The following NOX5 variants were observed in gnomAD, a reference collection of about 807,000 sequenced individuals.
The protein encoded by NOX5 is NADPH oxidase, EF-hand calcium binding domain 5.
A neutral mutation model predicts 85.7 loss-of-function variants in NOX5; 76 were observed. That is an observed-to-expected ratio of 0.89 (90% CI 0.74 to 1.07). The LOEUF is 1.07. NOX5 is among the 50% of genes least tolerant of loss of function. The pLI is 0.00. For synonymous variants in NOX5, 405 were observed against 401.4 expected, an observed-to-expected ratio of 1.01 and a Z score of -0.11; for missense variants, 973 against 999.5, an observed-to-expected ratio of 0.97 and a Z score of 0.36.
At position 69,055,356 on chromosome 15, in the gene NOX5, G is replaced by A. The variant is rs1406600190; in HGVS notation, c.2022G>A (p.Met674Ile). Reference protein sequence around the residue: ...AQYGRFLELHMYMTSALGKND... With the variant: ...AQYGRFLELHIYMTSALGKND... ...CAGGCCGCTTCCTGGAGCTGCATAT[G>A]TACATGACATCTGCACTGGGCAAGA... The change falls in exon 15 of 16, where the codon ATG becomes ATA. Residue 674 changes from methionine to isoleucine, a missense_variant. By Grantham distance (10) the Met-to-Ile change is conservative. Transcript: ENST00000388866. 6.2e-7 allele frequency: 1 copy of A among 1,614,180 alleles called. No individual in the cohort carries two copies. The highest frequency in any genetic ancestry group is 8.5e-7 in the Non-Finnish European group (1 of 1,180,032).
intron 10 of NOX5, among the ~76,000 whole-genome samples, chr15:69,044,894 A>G (rs1165013415): frequency 2.6e-5 from 4 of 152,266 alleles, no homozygotes; most frequent in Admixed American, 6.5e-5. Flanking sequence ...CCAGTCCTGC[A>G]TCTCAGCACA....
At chr15:69,041,075 G>C (rs2050588706) in intron 9 of NOX5, among the ~76,000 whole-genome samples, 1 of 152,204 alleles carries the variant, frequency 6.6e-6, no homozygotes, top group South Asian at 2.1e-4. Context: ...TGAGCTGAGA[G>C]GGTTCATGTG....
Position 69,038,945 on chromosome 15 carries a change from A to G in NOX5, c.1460A>G (p.Tyr487Cys), listed in dbSNP as rs148791297. 1.3e-4 allele frequency: 204 copies of G among 1,614,068 alleles called. No homozygotes were observed. In the African/African-American group the frequency reaches 2.5e-3, roughly 20 times the overall value. ...CTGAACATCCCCACCATTGCTCGCT[A>G]TGAGTGGCACCCCTTCACCATCAGC... is the stretch of plus-strand genomic sequence containing the variant. Reference protein sequence around the residue: ...LYLNIPTIARYEWHPFTISSA... With the variant: ...LYLNIPTIARCEWHPFTISSA... The change falls in exon 9 of 16, where the codon TAT becomes TGT. Residue 487 changes from tyrosine to cysteine, a missense_variant. Tyr to Cys is a radical substitution (Grantham distance 194). Transcript: ENST00000388866.
intron 13 of NOX5, among the ~76,000 whole-genome samples, chr15:69,048,302 G>A (rs921419074): frequency 6.6e-6 from 1 of 152,014 alleles, no homozygotes; most frequent in Non-Finnish European, 1.5e-5. Flanking sequence ...GGAGGCCAAG[G>A]CAGGCAGATC....
chr15:69,055,266 T>A, intron 14 of NOX5, 68 bp from the exon 15 acceptor site: 1 of 1,528,952 alleles, frequency 6.5e-7, no homozygotes, highest in Non-Finnish European at 8.9e-7. Flanking sequence ...AGGTAGTGGT[T>A]GGCATCCTGC....
At chr15:69,046,984 C>T in intron 11 of NOX5, 118 bp downstream of exon 11, 2 of 992,736 alleles carry the variant, frequency 2.0e-6, no homozygotes, top group South Asian at 1.5e-5. Context: ...CTCAAATCCT[C>T]ATGGGCTGAC....
At chr15:69,047,374 AC>A (rs769760164) in intron 11 of NOX5, 38 bp from the exon 12 acceptor site, 10 of 1,512,188 alleles carry the variant, frequency 6.6e-6, no homozygotes, top group East Asian at 2.4e-5. Context: ...GACCAGCGTC[AC>A]CCCCCATCTC....
chr15:69,037,016 CT>C lies in NOX5; in HGVS notation c.1189-11del, dbSNP rs753297121. On this transcript the variant is annotated splice_polypyrimidine_tract_variant and intron_variant, in intron 7 of 15. Transcript: ENST00000388866. ...GAGCTCTGGAAGTTGACTGCCCCCC[CT>C]ACCCCCATAGGTGTTCTATTGGACT... is the stretch of plus-strand genomic sequence containing the variant. 3.7e-6 allele frequency: 6 copies of C among 1,612,294 alleles called. No individual in the cohort carries two copies. The highest frequency in any genetic ancestry group is 2.2e-5 in the East Asian group (1 of 44,872).
At chr15:69,035,324 G>A in intron 5 of NOX5, 30 bp from the exon 6 acceptor site, 1 of 1,608,956 alleles carries the variant, frequency 6.2e-7, no homozygotes, top group Non-Finnish European at 8.5e-7. Context: ...AGAGAGTGAG[G>A]CAGGGCTCTC....
At chr15:69,048,024 G>A in intron 13 of NOX5, 113 bp downstream of exon 13, 4 of 865,048 alleles carry the variant, frequency 4.6e-6, no homozygotes, top group African/African-American at 3.3e-5. Flanking sequence ...TCCCTAATGG[G>A]ATCTTTCTTT....
intron 9 of NOX5, among the ~76,000 whole-genome samples, chr15:69,041,786 C>A (rs1450633179): frequency 6.6e-6 from 1 of 152,232 alleles, no homozygotes; most frequent in African/African-American, 2.4e-5. Context: ...CCTTGGGCCG[C>A]ATGGGGCCCA....
At chr15:69,017,137 G>GTATTTACT (rs1567090626) in intron 1 of NOX5, among the ~76,000 whole-genome samples, 2 of 151,760 alleles carry the variant, frequency 1.3e-5, no homozygotes, top group East Asian at 3.9e-4. Context: ...AAATTTCTAA[G>GTATTTACT]TATTTATTTA....
In NOX5 at chr15:69,061,950, T is replaced by C. The variant is rs1197574788; in HGVS notation, c.*5254T>C. ...TATAAATACAGATTAAGCTTGTCTT[T>C]AAATAACCCTAAAGAATGTTCAAGA... On this transcript the variant is annotated 3_prime_UTR_variant, in exon 16 of 16. Coordinates refer to ENST00000388866, the MANE Select transcript of NOX5 (RefSeq NM_024505.4). The C allele has an allele frequency of 2.6e-5, 4 of 152,186 alleles. No individual in the cohort carries two copies. The highest frequency in any genetic ancestry group is 9.7e-5 in the African/African-American group (4 of 41,450). 9.4% of individuals were successfully genotyped at this position (152,186 alleles called of 1,614,324 possible). A position where few individuals can be genotyped will look rare whatever the true frequency, so the allele number is the denominator to read the frequency against.
chr15:69,035,725 G>A, intron 6 of NOX5, 33 bp from the exon 7 acceptor site: 1 of 1,604,914 alleles, frequency 6.2e-7, no homozygotes, highest in African/African-American at 1.3e-5. Flanking sequence ...AGCTGGTCTT[G>A]CAGTCACTCA....
At chr15:69,037,361 C>A (rs2050535300) in intron 8 of NOX5, 151 bp downstream of exon 8, 1 of 778,688 alleles carries the variant, frequency 1.3e-6, no homozygotes, top group African/African-American at 1.7e-5. Context: ...AAGCAAAATG[C>A]AAGACCCAGT....
Position 69,031,819 on chromosome 15 carries a change from C to G in NOX5, c.620+7C>G, listed in dbSNP as rs1438172368. ...TGGAGAACCTGACCATCAGGTACGG[C>G]CGGGTCTCGGGCATTGGCACTGTCC... On this transcript the variant is annotated splice_region_variant and intron_variant, in intron 4 of 15. Transcript: ENST00000388866. The G allele has an allele frequency of 6.3e-7, 1 of 1,590,570 alleles. No individual in the cohort carries two copies. Among genetic ancestry groups the G allele is most frequent in the Admixed American group, 1.7e-5 (1 of 59,210 alleles).
At chr15:69,044,676 A>T (rs1239570123) in intron 10 of NOX5, among the ~76,000 whole-genome samples, 1 of 152,236 alleles carries the variant, frequency 6.6e-6, no homozygotes, top group South Asian at 2.1e-4. Flanking sequence ...TGCTCCATTT[A>T]TGTAAAAGTG....
At chr15:69,016,259 C>G (rs2140241888) in intron 1 of NOX5, among the ~76,000 whole-genome samples, 1 of 152,282 alleles carries the variant, frequency 6.6e-6, no homozygotes, top group South Asian at 2.1e-4. Context: ...GGGCATTGCC[C>G]TGGCCCTTGA....
At chr15:69,049,516 A>T (rs2050721239) in intron 14 of NOX5, among the ~76,000 whole-genome samples, 1 of 152,314 alleles carries the variant, frequency 6.6e-6, no homozygotes, top group South Asian at 2.1e-4. Context: ...GGGGGAAAAA[A>T]AAGCCCTCAT....
Sources: gnomAD v4.1 joint callset for allele counts (sites outside exome capture counted in the v4.1 genomes callset) on GRCh38, gnomAD v4.1.1 for gene constraint, MANE v1.5 for transcripts, NCBI Gene and HGNC (gene_info 2026-07-23, HGNC 2026-07-21) for gene names.